TCERG1L: variants seen among roughly 807,000 people sequenced by gnomAD.
TCERG1L encodes transcription elongation regulator 1-like protein.
In TCERG1L, 37 loss-of-function variants were observed where a neutral mutation model predicts 56.3. The observed-to-expected ratio is 0.66, with a 90% CI of 0.51 to 0.87. The LOEUF is 0.87. TCERG1L is among the 40% of genes least tolerant of loss of function. The pLI is 0.00. For missense variants in TCERG1L, 799 were observed against 774.2 expected (o/e 1.03, Z -0.38); for synonymous variants, 324 against 326.3 (o/e 0.99, Z 0.08).
At chr10:131,193,039 T>TA (rs985047946) in intron 4 of TCERG1L, among the ~76,000 whole-genome samples, 1 of 152,156 alleles carries the variant, frequency 6.6e-6, no homozygotes, top group South Asian at 2.1e-4. Context: ...AATAAATAAA[T>TA]AATAGTTATT....
At chr10:131,224,079 G>A (rs1479594144) in intron 4 of TCERG1L, among the ~76,000 whole-genome samples, 13 of 151,996 alleles carry the variant, frequency 8.6e-5, no homozygotes, top group Admixed American at 5.9e-4. Flanking sequence ...AATTCCAGTC[G>A]ATTAGGAATT....
intron 3 of TCERG1L, among the ~76,000 whole-genome samples, chr10:131,294,420 C>G (rs1051192845): frequency 6.6e-6 from 1 of 152,198 alleles, no homozygotes; most frequent in Admixed American, 6.5e-5. Context: ...TGCCCATTAT[C>G]TCTTTAAAAA....
At chr10:131,233,090 C>A (rs1414789170) in intron 4 of TCERG1L, among the ~76,000 whole-genome samples, 1 of 152,166 alleles carries the variant, frequency 6.6e-6, no homozygotes, top group South Asian at 2.1e-4. Context: ...ACGATGTTAG[C>A]GTATGTGAGG....
chr10:131,124,854 A>T (rs1845548686), intron 8 of TCERG1L, among the ~76,000 whole-genome samples: 1 of 152,248 alleles, frequency 6.6e-6, no homozygotes, highest in African/African-American at 2.4e-5. Flanking sequence ...TTCTCGAGCA[A>T]GTCTCTTCAT....
intron 8 of TCERG1L, among the ~76,000 whole-genome samples, chr10:131,130,613 C>T (rs755868347): frequency 4.6e-5 from 7 of 152,242 alleles, no homozygotes; most frequent in African/African-American, 4.8e-5. Context: ...GTGATGATCA[C>T]GCTGAAGAGT....
At chr10:131,185,978 T>C (rs1337612029) in intron 4 of TCERG1L, among the ~76,000 whole-genome samples, 1 of 152,204 alleles carries the variant, frequency 6.6e-6, no homozygotes, top group Non-Finnish European at 1.5e-5. Context: ...AATGGATGGG[T>C]GAATAAGCAC....
At chr10:131,172,211 C>T (rs551789815) in intron 4 of TCERG1L, among the ~76,000 whole-genome samples, 1 of 152,214 alleles carries the variant, frequency 6.6e-6, no homozygotes, top group Admixed American at 6.5e-5. Flanking sequence ...CATGCGTCTT[C>T]TGGTTTCCTG....
chr10:131,229,483 T>C (rs1433396727), intron 4 of TCERG1L, among the ~76,000 whole-genome samples: 1 of 152,124 alleles, frequency 6.6e-6, no homozygotes, highest in Non-Finnish European at 1.5e-5. Flanking sequence ...AACACTCAGC[T>C]CCTGGCAACA....
chr10:131,231,504 C>T (rs1845851696), intron 4 of TCERG1L, among the ~76,000 whole-genome samples: 1 of 152,156 alleles, frequency 6.6e-6, no homozygotes, highest in South Asian at 2.1e-4. Flanking sequence ...GCACTGCCTG[C>T]AGAGCTTGTG....
chr10:131,110,467 T>G (rs975901370), intron 9 of TCERG1L, among the ~76,000 whole-genome samples: 6 of 152,150 alleles, frequency 3.9e-5, no homozygotes, highest in African/African-American at 1.4e-4. Flanking sequence ...TGTGAGTGGC[T>G]CCCAGGAGCC....
chr10:131,306,322 AC>A (rs1401014255), intron 3 of TCERG1L, among the ~76,000 whole-genome samples: 2 of 152,110 alleles, frequency 1.3e-5, no homozygotes, highest in African/African-American at 4.8e-5. Flanking sequence ...CAAAACAAAT[AC>A]ATTTGATTAT....
chr10:131,159,924 C>T (rs1288016845), intron 6 of TCERG1L, among the ~76,000 whole-genome samples: 1 of 152,174 alleles, frequency 6.6e-6, no homozygotes, highest in Non-Finnish European at 1.5e-5. Context: ...CAAACCCACC[C>T]TCTGAGGTCT....
chr10:131,163,347 G>A (rs1435946847), intron 5 of TCERG1L, 137 bp from the exon 6 acceptor site: 10 of 644,702 alleles, frequency 1.6e-5, no homozygotes, highest in African/African-American at 9.2e-5. Flanking sequence ...ACCTCAGCAC[G>A]GCAGCGCCTG....
At chr10:131,247,149 A>G (rs1215550973) in intron 4 of TCERG1L, among the ~76,000 whole-genome samples, 1 of 152,186 alleles carries the variant, frequency 6.6e-6, no homozygotes, top group African/African-American at 2.4e-5. Context: ...AATTACACAC[A>G]TAGGCACACA....
intron 10 of TCERG1L, 45 bp from the exon 11 acceptor site, chr10:131,098,469 C>T (rs1166896725): frequency 1.7e-5 from 26 of 1,519,456 alleles, no homozygotes; most frequent in Admixed American, 8.7e-5. Context: ...AATTGCATAT[C>T]AGAAATGAAA....
At chr10:131,155,747 C>G (rs775234034) in intron 6 of TCERG1L, among the ~76,000 whole-genome samples, 1 of 152,176 alleles carries the variant, frequency 6.6e-6, no homozygotes, top group Non-Finnish European at 1.5e-5. Flanking sequence ...GCCTCAGGAC[C>G]AGAGAAAATC....
intron 3 of TCERG1L, among the ~76,000 whole-genome samples, chr10:131,285,053 T>C (rs1419382446): frequency 1.3e-5 from 2 of 152,066 alleles, no homozygotes; most frequent in Non-Finnish European, 2.9e-5. Flanking sequence ...CCAGTATAGC[T>C]TTCACACTAA....
chr10:131,259,889 C>A (rs2918094), intron 4 of TCERG1L, among the ~76,000 whole-genome samples: 2 of 152,096 alleles, frequency 1.3e-5, no homozygotes, highest in Non-Finnish European at 2.9e-5. Flanking sequence ...CACTCCAGCA[C>A]GCCAGCCTGC....
chr10:131,123,403 G>A (rs1225010927), intron 8 of TCERG1L, among the ~76,000 whole-genome samples: 2 of 152,114 alleles, frequency 1.3e-5, no homozygotes, highest in African/African-American at 4.8e-5. Flanking sequence ...AAGAGGTGAG[G>A]AGCCCTGGGG....
Sources: allele counts gnomAD v4.1 joint callset (sites outside exome capture counted in the v4.1 genomes callset), GRCh38; gene constraint gnomAD v4.1.1; transcripts MANE v1.5; gene names NCBI Gene and HGNC (gene_info 2026-07-23, HGNC 2026-07-21).